The following PTK2B variants were observed in gnomAD, a reference collection of about 807,000 sequenced individuals.
The protein encoded by PTK2B is protein tyrosine kinase 2 beta, also known as protein-tyrosine kinase 2-beta.
In PTK2B, 71 loss-of-function variants were observed where a neutral mutation model predicts 142.9. The ratio of observed to expected loss-of-function variants is 0.50; its 90% CI spans 0.41 to 0.61. The LOEUF (loss-of-function observed/expected upper bound fraction) is 0.61. PTK2B is among the 20% of genes least tolerant of loss of function. The pLI, the probability that PTK2B is intolerant of heterozygous loss-of-function variation, is 0.00. For synonymous variants in PTK2B, 519 were observed against 503.4 expected (o/e 1.03, Z -0.42); for missense variants, 1,105 against 1,320.4 (o/e 0.84, Z 2.53).
Position 27,440,409 on chromosome 8 carries a change from G to C in PTK2B, c.2007G>C (p.Arg669=). 1.2e-6 allele frequency: 2 copies of C among 1,614,052 alleles called. No individual in the cohort carries two copies. The stretch of plus-strand genomic sequence containing the variant: ...GCTGGGACTACGACCCCAGTGACCG[G>C]CCCCGCTTCACCGAGCTGGTGTGCA... ...TRCWDYDPSD[R]PRFTELVCSL... is the part of the protein sequence containing the mutation. The change falls in exon 21 of 31, where the codon CGG becomes CGC. Residue 669 remains arginine (R), a synonymous_variant. Coordinates refer to ENST00000346049, the MANE Select transcript of PTK2B (RefSeq NM_173176.3).
intron 22 of PTK2B, 39 bp downstream of exon 22, chr8:27,443,022 A>C (rs756764208): frequency 2.0e-5 from 30 of 1,528,282 alleles, no homozygotes; most frequent in Non-Finnish European, 2.6e-5. Flanking sequence ...TGTGAGTCAA[A>C]GCAAAGCCAG....
chr8:27,353,109 A>G (rs977436688), intron 1 of PTK2B, among the ~76,000 whole-genome samples: 2 of 152,222 alleles, frequency 1.3e-5, no homozygotes, highest in Admixed American at 6.5e-5. Context: ...CTGCTCATCT[A>G]GTCTTGGGAT....
intron 1 of PTK2B, among the ~76,000 whole-genome samples, chr8:27,370,401 T>G (rs1200050293): frequency 6.6e-6 from 1 of 152,172 alleles, no homozygotes; most frequent in Non-Finnish European, 1.5e-5. Flanking sequence ...CAAGACCACG[T>G]TATTAGCTTA....
intron 1 of PTK2B, among the ~76,000 whole-genome samples, chr8:27,389,592 G>A (rs1807583848): frequency 6.6e-6 from 1 of 152,232 alleles, no homozygotes; most frequent in Non-Finnish European, 1.5e-5. Context: ...GGCAGGAGCT[G>A]GCAACAGGGG....
At chr8:27,400,929 C>T (rs1040371518) in intron 2 of PTK2B, among the ~76,000 whole-genome samples, 15 of 152,094 alleles carry the variant, frequency 9.9e-5, no homozygotes, top group East Asian at 3.9e-4. Flanking sequence ...AGATCCAGCA[C>T]GAGGTCAGGC....
Position 27,445,841 on chromosome 8 carries a change from G to A in PTK2B, c.2262G>A (p.Met754Ile). The change falls in exon 24 of 31, where the codon ATG (methionine) becomes ATA (isoleucine). Residue 754 changes from methionine (M) to isoleucine (I), a missense_variant. Physicochemically the swap from Met to Ile is conservative, Grantham distance 10. Coordinates refer to ENST00000346049, the MANE Select transcript of PTK2B (RefSeq NM_173176.3). ...GCTCTCCTACGCTCACCAGCCCTATGGAGTATCCATCTCCCGTTAACTCAC... is the reference window on the plus strand; with the variant it reads ...GCTCTCCTACGCTCACCAGCCCTATAGAGTATCCATCTCCCGTTAACTCAC... ...CASSPTLTSP[M>I]EYPSPVNSLH... is the part of the protein sequence containing the mutation. 6.2e-7 allele frequency: 1 copy of A among 1,614,076 alleles called. No individual in the cohort carries two copies. Among genetic ancestry groups the A allele is most frequent in the Non-Finnish European group, 8.5e-7 (1 of 1,180,026 alleles).
At position 27,459,327 on chromosome 8, in the gene PTK2B, A is replaced by C. The variant is rs1206010167; in HGVS notation, c.*818A>C. 4.3e-6 allele frequency: 1 copy of C among 233,194 alleles called. No homozygotes were observed. Among genetic ancestry groups the C allele is most frequent in the Non-Finnish European group, 8.5e-6 (1 of 118,094 alleles). 14.4% of individuals were successfully genotyped at this position (233,194 alleles called of 1,614,324 possible). On this transcript the variant is annotated 3_prime_UTR_variant, in exon 31 of 31. Transcript: ENST00000346049. ...CCCTTCTTTTCTCATGTGTTTGCAT[A>C]AACATTCTTTTAACTTCTTTCTATT... is the stretch of plus-strand genomic sequence containing the variant.
intron 1 of PTK2B, among the ~76,000 whole-genome samples, chr8:27,337,622 C>G (rs149526318): frequency 2.0e-5 from 3 of 152,332 alleles, no homozygotes; most frequent in East Asian, 3.9e-4. Flanking sequence ...TGTGGCCTTT[C>G]GCGACGGCTG....
intron 1 of PTK2B, among the ~76,000 whole-genome samples, chr8:27,372,601 G>A (rs896233351): frequency 1.3e-5 from 2 of 152,166 alleles, no homozygotes; most frequent in Admixed American, 6.5e-5. Flanking sequence ...GACTCACCCA[G>A]AATAATGTTC....
At chr8:27,429,755 TG>T (rs996685580) in intron 5 of PTK2B, among the ~76,000 whole-genome samples, 2 of 152,148 alleles carry the variant, frequency 1.3e-5, no homozygotes, top group African/African-American at 4.8e-5. Context: ...TGAAGGTCAG[TG>T]TTCCTAGGCT....
intron 12 of PTK2B, 135 bp downstream of exon 12, chr8:27,434,267 C>A (rs915927212): frequency 1.7e-6 from 2 of 1,209,272 alleles, no homozygotes; most frequent in African/African-American, 1.5e-5. Context: ...AAAAGATGAT[C>A]TTTCCCTCCC....
intron 5 of PTK2B, among the ~76,000 whole-genome samples, chr8:27,429,539 A>C (rs527670521): frequency 6.6e-5 from 10 of 152,354 alleles, no homozygotes; most frequent in South Asian, 4.1e-4. Context: ...ATGAGACTTA[A>C]ATAATATGAG....
intron 2 of PTK2B, among the ~76,000 whole-genome samples, chr8:27,403,788 T>C (rs74617712): frequency 4.6e-5 from 7 of 150,926 alleles, no homozygotes; most frequent in East Asian, 4.2e-4. Context: ...CCTCCTCCTC[T>C]TCTTCTTTCT....
intron 2 of PTK2B, among the ~76,000 whole-genome samples, chr8:27,312,906 C>T (rs1374457131): frequency 6.6e-6 from 1 of 152,212 alleles, no homozygotes; most frequent in Non-Finnish European, 1.5e-5. Context: ...TAGAAGGTGT[C>T]TGAGTTAACA....
intron 4 of PTK2B, among the ~76,000 whole-genome samples, chr8:27,422,040 AG>A (rs571337988): frequency 1.0e-3 from 158 of 152,194 alleles, no homozygotes; most frequent in Non-Finnish European, 2.0e-3. Flanking sequence ...AATGGGGGGC[AG>A]GGGAGGGGAA....
intron 2 of PTK2B, among the ~76,000 whole-genome samples, chr8:27,408,034 T>C (rs1294235387): frequency 2.0e-5 from 3 of 152,184 alleles, no homozygotes; most frequent in Non-Finnish European, 2.9e-5. Flanking sequence ...GAGAGAACTG[T>C]TGGGGCTCAG....
At chr8:27,381,359 C>G (rs767401954) in intron 1 of PTK2B, among the ~76,000 whole-genome samples, 2 of 152,328 alleles carry the variant, frequency 1.3e-5, no homozygotes, top group Non-Finnish European at 2.9e-5. Context: ...CCTTCCCAGC[C>G]TATTATAACC....
rs1469517916 is a variant in PTK2B at position 27,363,718 on chromosome 8, C to T, written c.-37-33830C>T. ...CTCTCCCATGTCCTGTCTGAGTAGGCTGCATGATGACTATTGATTGGCTGA... is the reference window on the plus strand; with the variant it reads ...CTCTCCCATGTCCTGTCTGAGTAGGTTGCATGATGACTATTGATTGGCTGA... On this transcript the variant is annotated intron_variant, in intron 1 of 30. Transcript: ENST00000346049. The surrounding 1 kb of genome is among the most constrained non-coding windows in gnomAD (Gnocchi z 4.3). Among the ~76,000 whole-genome samples the T allele has an allele frequency of 6.6e-6, 1 of 152,150 alleles. No individual in the cohort carries two copies. The highest frequency in any genetic ancestry group is 1.5e-5 in the Non-Finnish European group (1 of 68,030).
Position 27,419,959 on chromosome 8 carries a change from A to G in PTK2B, c.269A>G (p.Tyr90Cys), listed in dbSNP as rs202215628. Residue 90 changes from tyrosine (Y) to cysteine (C), a missense_variant, in exon 3 of 31, where the codon TAT becomes TGT. Physicochemically the swap from Tyr to Cys is radical, Grantham distance 194. Coordinates refer to ENST00000346049, the MANE Select transcript of PTK2B (RefSeq NM_173176.3). The stretch of plus-strand genomic sequence containing the variant: ...CCCAACATCCGGTTGGCTGAGTGCT[A>G]TGGGCTGAGGCTGAAGCACATGAAG... ...IGPNIRLAEC[Y>C]GLRLKHMKSD... is the part of the protein sequence containing the mutation. 3.1e-6 allele frequency: 5 copies of G among 1,614,180 alleles called. No homozygotes were observed. The highest frequency in any genetic ancestry group is 4.2e-6 in the Non-Finnish European group (5 of 1,180,034).
Sources: allele counts gnomAD v4.1 joint callset (sites outside exome capture counted in the v4.1 genomes callset), GRCh38; gene constraint gnomAD v4.1.1; non-coding constraint Gnocchi (gnomAD v3.1); transcripts MANE v1.5; gene names NCBI Gene and HGNC (gene_info 2026-07-23, HGNC 2026-07-21).